Variants in ADGRG6 observed in about 807,000 individuals in gnomAD.
The protein encoded by ADGRG6 is adhesion G protein-coupled receptor G6, also known as G-protein coupled receptor 126.
Under a neutral mutation model 142.4 loss-of-function variants are expected in ADGRG6, and 84 were observed. The observed-to-expected ratio is 0.59, with a 90% CI of 0.49 to 0.71. ADGRG6 has a LOEUF of 0.71. ADGRG6 is among the 30% of genes least tolerant of loss of function. The pLI, the probability that ADGRG6 is intolerant of heterozygous loss-of-function variation, is 0.00. For synonymous variants in ADGRG6, 521 were observed against 520.5 expected, an observed-to-expected ratio of 1.00 and a Z score of -0.01; for missense variants, 1,367 against 1,466.6, an observed-to-expected ratio of 0.93 and a Z score of 1.11.
chr6:142,306,873 A>C (rs560344702), intron 1 of ADGRG6, among the ~76,000 whole-genome samples: 1 of 152,212 alleles, frequency 6.6e-6, no homozygotes, highest in East Asian at 1.9e-4. Context: ...TTCTTCAGTA[A>C]ACAGTAAAGT....
At chr6:142,319,339 C>G (rs1778405598) in intron 2 of ADGRG6, among the ~76,000 whole-genome samples, 3 of 152,098 alleles carry the variant, frequency 2.0e-5, no homozygotes, top group Admixed American at 1.3e-4. Flanking sequence ...ATTGTAAGAG[C>G]TCCTAAGTAA....
intron 4 of ADGRG6, among the ~76,000 whole-genome samples, chr6:142,376,723 G>T (rs983319538): frequency 6.6e-6 from 1 of 152,042 alleles, no homozygotes. Flanking sequence ...ATACTCTGAG[G>T]ATGCCCAAAC....
intron 2 of ADGRG6, among the ~76,000 whole-genome samples, chr6:142,334,020 G>A (rs1402649531): frequency 6.6e-6 from 1 of 152,130 alleles, no homozygotes; most frequent in Admixed American, 6.5e-5. Context: ...ACTGATAAAT[G>A]ATATCAGATT....
At position 142,395,851 on chromosome 6, in the gene ADGRG6, C is replaced by T. The variant is rs7738393; in HGVS notation, c.1425-1762C>T. On this transcript the variant is annotated intron_variant, in intron 9 of 24. Coordinates refer to ENST00000367609, the MANE Select transcript of ADGRG6 (RefSeq NM_198569.3). ...TGTTTTTTAAAAAAACTTTTCCTTT[C>T]AATTTGATTGTATCACTTAACACAG... Among the ~76,000 whole-genome samples the T allele has an allele frequency of 6.0e-3, 916 of 152,116 alleles. 17 individuals carry two copies. The highest frequency in any genetic ancestry group is 0.021 in the African/African-American group (879 of 41,506).
chr6:142,361,252 G>A (rs948277250), intron 2 of ADGRG6, among the ~76,000 whole-genome samples: 26 of 152,296 alleles, frequency 1.7e-4, no homozygotes, highest in Admixed American at 1.4e-3. Context: ...AGTAGCTTTT[G>A]TAGTAAACTG....
chr6:142,400,425 T>C lies in ADGRG6; in HGVS notation c.1568-60T>C, dbSNP rs1029010148. ...TCATTTTGCTTTCATCCTGCATCTC[T>C]AATCTCTAACTTTAAAAAATAGGTG... On this transcript the variant is annotated intron_variant, in intron 10 of 24. Coordinates refer to ENST00000367609, the MANE Select transcript of ADGRG6 (RefSeq NM_198569.3). 12 of 821,850 alleles carry C rather than the reference T, an allele frequency of 1.5e-5. No homozygotes were observed. In the African/African-American group the frequency reaches 2.0e-4, roughly 14 times the overall value. The allele number at this position is 821,850 out of a possible 1,614,324, so 50.9% of individuals were successfully genotyped here.
intron 2 of ADGRG6, among the ~76,000 whole-genome samples, chr6:142,341,449 GTA>G: frequency 9.3e-6 from 1 of 107,210 alleles, no homozygotes; most frequent in South Asian, 2.5e-4. Context: ...TATATATATA[GTA>G]TATATAGTAT....
Position 142,444,782 on chromosome 6 carries a change from C to T in ADGRG6, c.*1267C>T, listed in dbSNP as rs950810214. On this transcript the variant is annotated 3_prime_UTR_variant, in exon 25 of 25. Coordinates refer to ENST00000367609, the MANE Select transcript of ADGRG6 (RefSeq NM_198569.3). ...TGCTTGCTAATGAATGTATAGGAGACCACATTGTAATTGTTCTTAGATGAT... is the reference window on the plus strand; with the variant it reads ...TGCTTGCTAATGAATGTATAGGAGATCACATTGTAATTGTTCTTAGATGAT... 6.6e-5 allele frequency: 10 copies of T among 152,128 alleles called. No individual in the cohort carries two copies. Among genetic ancestry groups the T allele is most frequent in the African/African-American group, 2.4e-4 (10 of 41,444 alleles). 9.4% of individuals were successfully genotyped at this position (152,128 alleles called of 1,614,324 possible).
intron 2 of ADGRG6, among the ~76,000 whole-genome samples, chr6:142,356,281 A>G (rs1282388200): frequency 6.6e-6 from 1 of 152,210 alleles, no homozygotes; most frequent in African/African-American, 2.4e-5. Flanking sequence ...AATCTTCACA[A>G]TCTGTCAAAG....
In ADGRG6 at chr6:142,397,736, A is replaced by G. The variant is rs1303030397; in HGVS notation, c.1548A>G (p.Thr516=). Residue 516 remains threonine (T), a synonymous_variant, in exon 10 of 25, where the codon ACA becomes ACG. Coordinates refer to ENST00000367609, the MANE Select transcript of ADGRG6 (RefSeq NM_198569.3). ...TGGATGAAGGCTTGAGGCTACATACAGTGAATGTGAGACAACTGGGTAAGT... is the reference window on the plus strand; with the variant it reads ...TGGATGAAGGCTTGAGGCTACATACGGTGAATGTGAGACAACTGGGTAAGT... The part of the protein sequence containing the change: ...ESLDEGLRLH[T]VNVRQLGHCL... The G allele has an allele frequency of 6.3e-7, 1 of 1,580,656 alleles. No homozygotes were observed. Among genetic ancestry groups the G allele is most frequent in the Admixed American group, 1.9e-5 (1 of 51,912 alleles).
At chr6:142,395,324 G>T (rs574374169) in intron 9 of ADGRG6, among the ~76,000 whole-genome samples, 1 of 152,094 alleles carries the variant, frequency 6.6e-6, no homozygotes, top group South Asian at 2.1e-4. Flanking sequence ...CTTTCTGTTA[G>T]GTCATATTGC....
chr6:142,370,532 A>G lies in ADGRG6; in HGVS notation c.808A>G (p.Arg270Gly). 6.2e-7 allele frequency: 1 copy of G among 1,613,802 alleles called. No individual in the cohort carries two copies. The highest frequency in any genetic ancestry group is 8.5e-7 in the Non-Finnish European group (1 of 1,179,710). Reference protein sequence around the residue: ...SLGSIGVNFKRNYETVPCDST... With the variant: ...SLGSIGVNFKGNYETVPCDST... The stretch of plus-strand genomic sequence containing the variant: ...GGGCTCTATTGGTGTAAATTTCAAA[A>G]GAAACTATGAAACAGTTCCATGTGA... Residue 270 changes from arginine (R) to glycine (G), a missense_variant, in exon 4 of 25, where the codon AGA becomes GGA. Physicochemically the swap from Arg to Gly is moderately radical, Grantham distance 125 (BLOSUM62 -2). Around this residue, in one of 3 missense-constraint regions of ADGRG6, gnomAD observed 737 missense variants for 746.5 expected, o/e 0.99. Transcript: ENST00000367609.
At position 142,445,161 on chromosome 6, in the gene ADGRG6, C is replaced by T. The variant is rs1777919279; in HGVS notation, c.*1646C>T. The stretch of plus-strand genomic sequence containing the variant: ...AGGTAGTGGGTTTTTTATTACTGTT[C>T]CATTTTGCAACATCCTGCAACACCA... On this transcript the variant is annotated 3_prime_UTR_variant, in exon 25 of 25. Coordinates refer to ENST00000367609, the MANE Select transcript of ADGRG6 (RefSeq NM_198569.3). 6.6e-6 allele frequency: 1 copy of T among 151,950 alleles called. No individual in the cohort carries two copies. Among genetic ancestry groups the T allele is most frequent in the Non-Finnish European group, 1.5e-5 (1 of 67,982 alleles). 9.4% of individuals were successfully genotyped at this position (151,950 alleles called of 1,614,324 possible). A position where few individuals can be genotyped will look rare whatever the true frequency, so the allele number is the denominator to read the frequency against.
rs35467593 is a variant in ADGRG6 at position 142,431,094 on chromosome 6, GT to G, written c.3320-6328del. Among the ~76,000 whole-genome samples, 1,077 of 147,772 alleles carry G rather than the reference GT, an allele frequency of 7.3e-3. 10 individuals are homozygous for G. The highest frequency in any genetic ancestry group is 0.022 in the African/African-American group (897 of 40,488). ...AAAACATTTTCAATTCACAATTACA[GT>G]TTTTTTTTTTTAAAGCTAAGCATAT... On this transcript the variant is annotated intron_variant, in intron 22 of 24. Transcript: ENST00000367609.
At chr6:142,371,890 A>G (rs1012533078) in intron 4 of ADGRG6, among the ~76,000 whole-genome samples, 6 of 152,216 alleles carry the variant, frequency 3.9e-5, no homozygotes, top group African/African-American at 1.4e-4. Context: ...AGCACCTAAG[A>G]GAATAGTATT....
chr6:142,358,460 A>G (rs977647979), intron 2 of ADGRG6, among the ~76,000 whole-genome samples: 16 of 152,214 alleles, frequency 1.1e-4, no homozygotes, highest in African/African-American at 3.9e-4. Context: ...GTGACTGCTA[A>G]GTTATTTCCA....
In ADGRG6 at chr6:142,397,822, C is replaced by T. The variant is rs1775281552; in HGVS notation, c.1567+67C>T. 2.9e-6 allele frequency: 3 copies of T among 1,036,588 alleles called. No individual in the cohort carries two copies. In the East Asian group the frequency reaches 9.3e-5, roughly 32 times the overall value. The allele number at this position is 1,036,588 out of a possible 1,614,324, so 64.2% of individuals were successfully genotyped here. The stretch of plus-strand genomic sequence containing the variant: ...GTATATTCAGGTTTACTTGAAACAA[C>T]AGCAGAAATTTTCTTTATGCGCTAT... On this transcript the variant is annotated intron_variant, in intron 10 of 24. Coordinates refer to ENST00000367609, the MANE Select transcript of ADGRG6 (RefSeq NM_198569.3).
At chr6:142,403,180 C>T (rs1023566079) in intron 13 of ADGRG6, among the ~76,000 whole-genome samples, 2 of 152,040 alleles carry the variant, frequency 1.3e-5, no homozygotes, top group Non-Finnish European at 2.9e-5. Flanking sequence ...ATACTGTGAA[C>T]TATGCCACTG....
intron 9 of ADGRG6, among the ~76,000 whole-genome samples, chr6:142,395,369 C>T (rs776276550): frequency 6.6e-6 from 1 of 152,114 alleles, no homozygotes; most frequent in Non-Finnish European, 1.5e-5. Flanking sequence ...AATCAGGATC[C>T]CTTTGCTGGA....
Sources: gnomAD v4.1 joint callset for allele counts (sites outside exome capture counted in the v4.1 genomes callset) on GRCh38, gnomAD v4.1.1 for gene constraint, gnomAD v4.1.1 regional missense constraint, MANE v1.5 for transcripts, NCBI Gene and HGNC (gene_info 2026-07-23, HGNC 2026-07-21) for gene names.